Variants in TAF1C observed in about 807,000 individuals in gnomAD.
TAF1C encodes TATA box-binding protein-associated factor RNA polymerase I subunit C.
TAF1C carries 79 observed loss-of-function variants against 70.5 expected under a neutral mutation model. That is an observed-to-expected ratio of 1.12 (90% CI 0.93 to 1.35). The LOEUF (loss-of-function observed/expected upper bound fraction) is 1.35, where lower values mean the gene tolerates loss of function less well. Among genes scored for constraint, TAF1C ranks in the 40% most tolerant of loss-of-function variants. The probability of loss-of-function intolerance (pLI) is 0.00; values close to 1 mark genes in which losing one functional copy is unlikely to be tolerated. For missense variants in TAF1C, 1,412 were observed against 1,127.8 expected (o/e 1.25, Z -3.61); for synonymous variants, 614 against 491.1 (o/e 1.25, Z -3.31).
chr16:84,182,965 G>T lies in TAF1C; in HGVS notation c.482+111C>A. The T allele has an allele frequency of 7.5e-6, 8 of 1,063,316 alleles. No homozygotes were observed. The highest frequency in any genetic ancestry group is 1.2e-5 in the Non-Finnish European group (8 of 693,040). The allele number at this position is 1,063,316 out of a possible 1,614,324, so 65.9% of individuals were successfully genotyped here. A position where few individuals can be genotyped will look rare whatever the true frequency, so the allele number is the denominator to read the frequency against. On this transcript the variant is annotated intron_variant, in intron 6 of 14. Transcript: ENST00000566732. This position sits in a 1 kb window ranked among gnomAD's most constrained non-coding sequence, Gnocchi z 5.0. ...AAGAAAGTACAGCTCAGACTGCATG[G>T]AGCAGGGGGGAAGTGGGTATGACGG...
chr16:84,180,334 T>C lies in TAF1C; in HGVS notation c.1319A>G (p.Tyr440Cys). ...LHLVCTQFSL[Y>C]LVDERLPLVP... is the part of the protein sequence containing the mutation. The stretch of plus-strand genomic sequence containing the variant: ...CAGGGGAAGGCGCTCGTCCACTAGG[T>C]AGAGAGAGAACTGGGGCCCGAGAAG... Residue 440 changes from tyrosine (Y) to cysteine (C), a missense_variant, in exon 13 of 15, where the codon TAC becomes TGC. Physicochemically the swap from Tyr to Cys is radical, Grantham distance 194. Coordinates refer to ENST00000566732, the MANE Select transcript of TAF1C (RefSeq NM_001243156.2). The C allele has an allele frequency of 3.9e-6, 6 of 1,542,476 alleles. No individual in the cohort carries two copies. Among genetic ancestry groups the C allele is most frequent in the Non-Finnish European group, 5.2e-6 (6 of 1,146,212 alleles).
chr16:84,182,519 C>T lies in TAF1C; in HGVS notation c.483-79G>A, dbSNP rs542066099. ...GGTCCCATCCCAAGGAGGCCAAGTGCAGTGGACACATTTCTTATTTACCTA... is the reference window on the plus strand; with the variant it reads ...GGTCCCATCCCAAGGAGGCCAAGTGTAGTGGACACATTTCTTATTTACCTA... On this transcript the variant is annotated intron_variant, in intron 6 of 14. Coordinates refer to ENST00000566732, the MANE Select transcript of TAF1C (RefSeq NM_001243156.2). This position sits in a 1 kb window ranked among gnomAD's most constrained non-coding sequence, Gnocchi z 5.0. 4 of 1,283,426 alleles carry T rather than the reference C, an allele frequency of 3.1e-6. No homozygotes were observed. In the African/African-American group the frequency reaches 5.9e-5, roughly 19 times the overall value. The allele number at this position is 1,283,426 out of a possible 1,614,324, so 79.5% of individuals were successfully genotyped here.
Position 84,182,466 on chromosome 16 carries a change from A to C in TAF1C, c.483-26T>G. 1.3e-6 allele frequency: 2 copies of C among 1,583,558 alleles called. No individual in the cohort carries two copies. The highest frequency in any genetic ancestry group is 1.7e-6 in the Non-Finnish European group (2 of 1,167,588). ...CTGGGGACCAGAGAACAGCAGGAGG[A>C]TCACTCGGTGGCACTCAGGGGAGGA... On this transcript the variant is annotated intron_variant, in intron 6 of 14. Transcript: ENST00000566732. The surrounding 1 kb of genome is among the most constrained non-coding windows in gnomAD (Gnocchi z 5.0).
Position 84,185,001 on chromosome 16 carries a change from G to T in TAF1C, c.-13C>A. ...TGGGGAAGTCCATCCTGGAAACAAGGACCAAGCACCACACTGGCCACCTCG... is the reference window on the plus strand; with the variant it reads ...TGGGGAAGTCCATCCTGGAAACAAGTACCAAGCACCACACTGGCCACCTCG... On this transcript the variant is annotated 5_prime_UTR_variant, in exon 2 of 15. Coordinates refer to ENST00000566732, the MANE Select transcript of TAF1C (RefSeq NM_001243156.2). 6.2e-7 allele frequency: 1 copy of T among 1,612,340 alleles called. No individual in the cohort carries two copies. The highest frequency in any genetic ancestry group is 1.1e-5 in the South Asian group (1 of 90,796).
rs1264782332 is a variant in TAF1C at position 84,182,836 on chromosome 16, CAG to C, written c.482+238_482+239del. ...GTGGACGAGACAGGAAAGAGAGACACAGCTCTATGAACATTATTTGAACACCT... is the reference window on the plus strand; with the variant it reads ...GTGGACGAGACAGGAAAGAGAGACACCTCTATGAACATTATTTGAACACCT... On this transcript the variant is annotated intron_variant, in intron 6 of 14. Transcript: ENST00000566732. The surrounding 1 kb of genome is among the most constrained non-coding windows in gnomAD (Gnocchi z 5.0). Among the ~76,000 whole-genome samples the C allele has an allele frequency of 6.6e-6, 1 of 152,214 alleles. No homozygotes were observed.
Position 84,180,052 on chromosome 16 carries a change from G to GC in TAF1C, c.1514dup (p.Gln508ProfsTer19). The GC allele has an allele frequency of 1.2e-6, 2 of 1,605,440 alleles. No individual in the cohort carries two copies. The highest frequency in any genetic ancestry group is 1.7e-6 in the Non-Finnish European group (2 of 1,176,634). ...TCCTGGAAGGAAGAGACTGGGGGGG[G>GC]CCTGCCAGGCGGGGCACCGACGCCC... On this transcript the variant is annotated frameshift_variant, in exon 14 of 15. Transcript: ENST00000566732. LOFTEE classifies it high-confidence loss of function.
Position 84,180,271 on chromosome 16 carries a change from G to C in TAF1C, c.1382C>G (p.Pro461Arg), listed in dbSNP as rs556028031. The change falls in exon 13 of 15, where the codon CCG (proline) becomes CGG (arginine). Residue 461 changes from proline (P) to arginine (R), a missense_variant. Physicochemically the swap from Pro to Arg is moderately radical, Grantham distance 103. Coordinates refer to ENST00000566732, the MANE Select transcript of TAF1C (RefSeq NM_001243156.2). The stretch of plus-strand genomic sequence containing the variant: ...AGGCAGCAGTCGGGCCAGCAGGAGC[G>C]GGGAGGGGAGGCCATGGTTCCACTT... Reference protein sequence around the residue: ...MLKWNHGLPSPLLLARLLPPP... With the variant: ...MLKWNHGLPSRLLLARLLPPP... 1.7e-5 allele frequency: 26 copies of C among 1,548,964 alleles called. No homozygotes were observed. In the East Asian group the frequency reaches 1.7e-4, roughly 10 times the overall value.
In TAF1C at chr16:84,184,956, C is replaced by A. The variant is rs1335576097; in HGVS notation, c.33G>T (p.Leu11Phe). 7 of 1,613,740 alleles carry A rather than the reference C, an allele frequency of 4.3e-6. No homozygotes were observed. Among genetic ancestry groups the A allele is most frequent in the Non-Finnish European group, 5.9e-6 (7 of 1,179,922 alleles). The change falls in exon 2 of 15, where the codon TTG becomes TTT. Residue 11 changes from leucine to phenylalanine, a missense_variant. Leu to Phe is a conservative substitution (Grantham distance 22). Coordinates refer to ENST00000566732, the MANE Select transcript of TAF1C (RefSeq NM_001243156.2). ...TCAGACCAAGGGGGCCGGTCAGAAA[C>A]AATGCAGGGCGGAGGGAGCTGGGGA... MDFPSSLRPA[L>F]FLTGPLGLSD...
rs952313988 is a variant in TAF1C at position 84,178,623 on chromosome 16, T to G, written c.*318A>C. The G allele has an allele frequency of 1.1e-5, 5 of 443,030 alleles. No homozygotes were observed. The highest frequency in any genetic ancestry group is 2.1e-5 in the Non-Finnish European group (5 of 236,464). The allele number at this position is 443,030 out of a possible 1,614,324, so 27.4% of individuals were successfully genotyped here. ...AGGCGTGAGAACTGAGGGACCTGCCTGAGGCCCCCACAGCTGAGGCGCAGC... is the reference window on the plus strand; with the variant it reads ...AGGCGTGAGAACTGAGGGACCTGCCGGAGGCCCCCACAGCTGAGGCGCAGC... On this transcript the variant is annotated 3_prime_UTR_variant, in exon 15 of 15. Transcript: ENST00000566732.
In TAF1C at chr16:84,182,059, C is replaced by T. The variant is rs778788304; in HGVS notation, c.722-1G>A. On this transcript the variant is annotated splice_acceptor_variant, in intron 7 of 14. Coordinates refer to ENST00000566732, the MANE Select transcript of TAF1C (RefSeq NM_001243156.2). LOFTEE classifies it high-confidence loss of function. This position sits in a 1 kb window ranked among gnomAD's most constrained non-coding sequence, Gnocchi z 5.0. ...GGGGTCAGAACGACCTCTTGGAAAT[C>T]TGGGCCTCTCACTAAGGATCAGTGC... The T allele has an allele frequency of 1.2e-6, 2 of 1,612,880 alleles. No individual in the cohort carries two copies. The highest frequency in any genetic ancestry group is 3.3e-5 in the Admixed American group (2 of 59,966).
At position 84,181,638 on chromosome 16, in the gene TAF1C, T is replaced by C. The variant is rs758375522; in HGVS notation, c.982A>G (p.Ile328Val). 6.2e-6 allele frequency: 10 copies of C among 1,613,618 alleles called. No individual in the cohort carries two copies. The African/African-American group carries it at 1.2e-4, about 19-fold the overall frequency. The change falls in exon 10 of 15, where the codon ATC becomes GTC. Residue 328 changes from isoleucine to valine, a missense_variant. By Grantham distance (29) the Ile-to-Val change is conservative. Coordinates refer to ENST00000566732, the MANE Select transcript of TAF1C (RefSeq NM_001243156.2). The part of the protein sequence containing the change: ...LSPHLPGELA[I>V]CSRSGAVCLW... ...CAGACGGCTCCCGAGCGGCTGCAGA[T>C]GGCCAGCTCCCCGGGCAGGTGAGGG...
chr16:84,180,878 C>T (rs574176068), intron 12 of TAF1C, 165 bp downstream of exon 12: 15 of 1,424,988 alleles, frequency 1.1e-5, no homozygotes, highest in East Asian at 7.6e-5. Context: ...CTGTTAGCAC[C>T]GACTGTGGGA....
intron 1 of TAF1C, 69 bp from the exon 2 acceptor site, chr16:84,185,129 T>A: frequency 4.6e-6 from 5 of 1,081,692 alleles, no homozygotes; most frequent in Admixed American, 2.9e-5. Context: ...AAAACAAATA[T>A]GTAGCCCAAG....
At chr16:84,185,917 A>G (rs2089456479) in intron 1 of TAF1C, among the ~76,000 whole-genome samples, 1 of 152,152 alleles carries the variant, frequency 6.6e-6, no homozygotes, top group Non-Finnish European at 1.5e-5. Flanking sequence ...AAAAAAAATT[A>G]CATCACAAGG....
chr16:84,180,837 G>T, intron 12 of TAF1C: 1 of 1,401,002 alleles, frequency 7.1e-7, no homozygotes, highest in East Asian at 2.6e-5. Flanking sequence ...GCTCTACTAA[G>T]GGGAGGCCCT....
chr16:84,186,581 C>G (rs532890280), intron 1 of TAF1C, among the ~76,000 whole-genome samples: 29 of 152,304 alleles, frequency 1.9e-4, no homozygotes, highest in African/African-American at 7.0e-4. Flanking sequence ...AAAATATTTT[C>G]TCTTGGAACC....
In TAF1C at chr16:84,179,937, C is replaced by CT; in HGVS notation, c.1621+8_1621+9insA. On this transcript the variant is annotated intron_variant, in intron 14 of 14. Coordinates refer to ENST00000566732, the MANE Select transcript of TAF1C (RefSeq NM_001243156.2). ...GCGCCCCCCAAGCTCACTCCCCCAC[C>CT]CAGCACACCTATGGTCGGTGCTTTC... 1 of 1,612,344 alleles carries CT rather than the reference C, an allele frequency of 6.2e-7. No homozygotes were observed. Among genetic ancestry groups the CT allele is most frequent in the Non-Finnish European group, 8.5e-7 (1 of 1,179,860 alleles).
rs570074365 is a variant in TAF1C at position 84,180,183 on chromosome 16, C to G, written c.1470G>C (p.Leu490=). 6.5e-7 allele frequency: 1 copy of G among 1,546,304 alleles called. No individual in the cohort carries two copies. Among genetic ancestry groups the G allele is most frequent in the South Asian group, 1.2e-5 (1 of 83,416 alleles). ...CTGGACCCTCACCTGCCAGGTGCAG[C>G]AGCTGCAGCTGCCCACCCTGGCCTC... is the stretch of plus-strand genomic sequence containing the variant. ...LLGGQGGQLQ[L]LHLAGEGASV... Residue 490 remains leucine, a synonymous_variant, in exon 13 of 15, where the codon CTG becomes CTC. Transcript: ENST00000566732.
chr16:84,180,881 C>CT lies in TAF1C; in HGVS notation c.1308+161dup, dbSNP rs1263616235. 4.2e-6 allele frequency: 6 copies of CT among 1,427,146 alleles called. No individual in the cohort carries two copies. In the East Asian group the frequency reaches 1.3e-4, roughly 30 times the overall value. The allele number at this position is 1,427,146 out of a possible 1,614,324, so 88.4% of individuals were successfully genotyped here. A position where few individuals can be genotyped will look rare whatever the true frequency, so the allele number is the denominator to read the frequency against. On this transcript the variant is annotated intron_variant, in intron 12 of 14. Transcript: ENST00000566732. ...TTCCCCACCTGCCTGTTAGCACCGA[C>CT]TGTGGGATCCACTGCGTGTTTGGGC...
Sources: allele counts gnomAD v4.1 joint callset (sites outside exome capture counted in the v4.1 genomes callset), GRCh38; gene constraint gnomAD v4.1.1; non-coding constraint Gnocchi (gnomAD v3.1); transcripts MANE v1.5; gene names NCBI Gene and HGNC (gene_info 2026-07-23, HGNC 2026-07-21).